The following BET1 variants were observed in gnomAD, a reference collection of about 807,000 sequenced individuals.
BET1 encodes the protein BET1 homolog.
In BET1, 9 loss-of-function variants were observed where a neutral mutation model predicts 13.9. The observed-to-expected ratio is 0.65, with a 90% CI of 0.39 to 1.13. The LOEUF (loss-of-function observed/expected upper bound fraction) is 1.13, where lower values mean the gene tolerates loss of function less well. Ranked by LOEUF, BET1 falls within the 50% of genes most tolerant of loss-of-function variation. BET1 has a pLI of 0.01. For synonymous variants in BET1, 39 were observed against 47.3 expected, an observed-to-expected ratio of 0.82 and a Z score of 0.72; for missense variants, 127 against 133.6, an observed-to-expected ratio of 0.95 and a Z score of 0.24.
intron 6 of BET1, chr7:93,972,270 C>T (rs1795269558): frequency 6.6e-6 from 1 of 151,990 alleles, no homozygotes; most frequent in Non-Finnish European, 1.5e-5. Context: ...GCAATGAAAC[C>T]AATATGCATG....
chr7:93,990,096 TTAAATA>T (rs1184653794), downstream of BET1, among the ~76,000 whole-genome samples: 2 of 151,812 alleles, frequency 1.3e-5, no homozygotes, highest in Admixed American at 1.3e-4. Flanking sequence ...TTGAAATAAG[TTAAATA>T]TAAATATATA....
chr7:93,993,695 T>C lies in BET1; in HGVS notation c.*535A>G. On this transcript the variant is annotated 3_prime_UTR_variant, in exon 4 of 4. Transcript: ENST00000222547. ...AGAAAGAAATGAGGGGTCATTATCA[T>C]CAAAAATTATTAGGAAGATTGTAGG... The C allele has an allele frequency of 7.4e-7, 1 of 1,349,556 alleles. No individual in the cohort carries two copies. The highest frequency in any genetic ancestry group is 9.5e-7 in the Non-Finnish European group (1 of 1,056,818). 83.6% of individuals were successfully genotyped at this position (1,349,556 alleles called of 1,614,324 possible).
chr7:93,994,992 C>T (rs905765362), intron 3 of BET1, among the ~76,000 whole-genome samples: 16 of 152,050 alleles, frequency 1.1e-4, no homozygotes, highest in Non-Finnish European at 1.6e-4. Context: ...TACAGGCGCA[C>T]GCCACCACGC....
chr7:94,001,214 G>A (rs1429060100), intron 1 of BET1, among the ~76,000 whole-genome samples: 1 of 152,160 alleles, frequency 6.6e-6, no homozygotes, highest in African/African-American at 2.4e-5. Context: ...GAATAAGTTT[G>A]TTTGACTCAA....
At chr7:94,003,407 G>A (rs1795956975) in intron 1 of BET1, among the ~76,000 whole-genome samples, 1 of 149,008 alleles carries the variant, frequency 6.7e-6, no homozygotes, top group African/African-American at 2.5e-5. Context: ...TTTTTCAAAT[G>A]TTTCATTTAT....
At chr7:94,000,596 G>A (rs1323127969) in intron 1 of BET1, among the ~76,000 whole-genome samples, 1 of 152,126 alleles carries the variant, frequency 6.6e-6, no homozygotes, top group Non-Finnish European at 1.5e-5. Flanking sequence ...CGTCCCAGGT[G>A]TGTGGTTTTT....
At chr7:93,980,477 T>G (rs765785555) in intron 4 of BET1, among the ~76,000 whole-genome samples, 1 of 152,136 alleles carries the variant, frequency 6.6e-6, no homozygotes, top group Non-Finnish European at 1.5e-5. Flanking sequence ...CAAGGGTGGT[T>G]CAACATACAA....
At chr7:94,002,806 C>T (rs1795939508) in intron 1 of BET1, among the ~76,000 whole-genome samples, 1 of 152,154 alleles carries the variant, frequency 6.6e-6, no homozygotes, top group African/African-American at 2.4e-5. Context: ...TTTTGAGTTC[C>T]TCCTATCTGG....
At chr7:93,995,689 T>C (rs866457562) in intron 3 of BET1, among the ~76,000 whole-genome samples, 1 of 152,214 alleles carries the variant, frequency 6.6e-6, no homozygotes, top group Non-Finnish European at 1.5e-5. Flanking sequence ...CATTTTTGAA[T>C]AGCACAATTT....
chr7:93,981,468 G>A (rs1795425694), intron 4 of BET1, among the ~76,000 whole-genome samples: 1 of 152,140 alleles, frequency 6.6e-6, no homozygotes, highest in African/African-American at 2.4e-5. Context: ...CACACTTCCT[G>A]AAAAACAAAG....
At chr7:93,995,915 A>AT in intron 3 of BET1, 1 of 346,636 alleles carries the variant, frequency 2.9e-6, no homozygotes, top group Non-Finnish European at 5.2e-6. Flanking sequence ...AGTTGGTTGG[A>AT]TATCAAGTGC....
At chr7:93,984,146 C>T (rs1158024119) in intron 4 of BET1, among the ~76,000 whole-genome samples, 1 of 152,116 alleles carries the variant, frequency 6.6e-6, no homozygotes, top group Admixed American at 6.6e-5. Context: ...GCTGGCAATC[C>T]TTGGTGTTGC....
At chr7:93,996,225 T>C in intron 3 of BET1, 40 bp downstream of exon 3, 2 of 1,383,174 alleles carry the variant, frequency 1.4e-6, no homozygotes, top group Non-Finnish European at 1.0e-6. Flanking sequence ...TTTGCGAATA[T>C]TAGATCAAAT....
Position 93,993,653 on chromosome 7 carries a change from GA to G in BET1, c.*576del. 1.5e-6 allele frequency: 2 copies of G among 1,300,942 alleles called. No homozygotes were observed. The highest frequency in any genetic ancestry group is 2.6e-5 in the South Asian group (1 of 38,892). 80.6% of individuals were successfully genotyped at this position (1,300,942 alleles called of 1,614,324 possible). ...GCCAAAATAACAAGTTTTATTTAAA[GA>G]ATGAGGTCTTTGGGCAGAAAGAAAT... On this transcript the variant is annotated 3_prime_UTR_variant, in exon 4 of 4. Coordinates refer to ENST00000222547, the MANE Select transcript of BET1 (RefSeq NM_005868.6).
intron 5 of BET1, among the ~76,000 whole-genome samples, chr7:93,974,383 T>C (rs1350460510): frequency 6.6e-6 from 1 of 152,024 alleles, no homozygotes; most frequent in East Asian, 1.9e-4. Context: ...CCAGAACTCC[T>C]TGGAGATATA....
In BET1 at chr7:94,004,273, G is replaced by C; in HGVS notation, c.-57C>G. The C allele has an allele frequency of 6.2e-7, 1 of 1,612,442 alleles. No homozygotes were observed. Among genetic ancestry groups the C allele is most frequent in the Non-Finnish European group, 8.5e-7 (1 of 1,178,554 alleles). ...CGGGGCTTTGGGTGAGTAGGAAACA[G>C]CTAGGGGCGACCCGGACCGCGTCTT... On this transcript the variant is annotated 5_prime_UTR_variant, in exon 1 of 4. Transcript: ENST00000222547.
At chr7:93,972,247 C>T (rs1795269135) in intron 6 of BET1, 1 of 151,852 alleles carries the variant, frequency 6.6e-6, no homozygotes, top group Non-Finnish European at 1.5e-5. Context: ...AATAACATTG[C>T]CTAAGTAGTC....
At chr7:93,965,876 A>C (rs1348774319) in intron 6 of BET1, among the ~76,000 whole-genome samples, 9 of 152,052 alleles carry the variant, frequency 5.9e-5, no homozygotes, top group Non-Finnish European at 1.2e-4. Context: ...TAAGAAAACA[A>C]GATAGACCTT....
rs749755613 is a variant in BET1 at position 93,999,285 on chromosome 7, A to C, written c.29T>G (p.Val10Gly). ...ATAGTTCCCATAGTTGCCAGGAGGT[A>C]CTCCTTCACCTGCAAGGATCAGAGT... The part of the protein sequence containing the change: MRRAGLGEG[V>G]PPGNYGNYGY... Residue 10 changes from valine (V) to glycine (G), a missense_variant, in exon 2 of 4, where the codon GTA (valine) becomes GGA (glycine). Transcript: ENST00000222547. The C allele has an allele frequency of 6.2e-7, 1 of 1,609,894 alleles. No homozygotes were observed. Among genetic ancestry groups the C allele is most frequent in the Non-Finnish European group, 8.5e-7 (1 of 1,178,142 alleles).
Sources: allele counts gnomAD v4.1 joint callset (sites outside exome capture counted in the v4.1 genomes callset), GRCh38; gene constraint gnomAD v4.1.1; transcripts MANE v1.5; gene names NCBI Gene and HGNC (gene_info 2026-07-23, HGNC 2026-07-21).